The following GALNTL6 variants were observed in gnomAD, a reference collection of about 807,000 sequenced individuals.
GALNTL6 encodes the protein polypeptide N-acetylgalactosaminyltransferase like 6, also known as polypeptide N-acetylgalactosaminyltransferase-like 6.
GALNTL6 carries 46 observed loss-of-function variants against 73.7 expected under a neutral mutation model. The observed-to-expected ratio is 0.62, with a 90% CI of 0.49 to 0.80. The LOEUF (loss-of-function observed/expected upper bound fraction) is 0.80, where lower values mean the gene tolerates loss of function less well. Ranked by LOEUF, GALNTL6 falls within the 30% of genes least tolerant of loss-of-function variation. GALNTL6 has a pLI of 0.00. For missense variants in GALNTL6, 604 were observed against 755.0 expected (o/e 0.80, Z 2.34); for synonymous variants, 259 against 263.7 (o/e 0.98, Z 0.17).
intron 5 of GALNTL6, among the ~76,000 whole-genome samples, chr4:172,788,856 A>G (rs890531155): frequency 4.6e-5 from 7 of 152,162 alleles, no homozygotes; most frequent in African/African-American, 1.7e-4. Flanking sequence ...CTAGGACTAG[A>G]TAAGTGTGAG....
At chr4:172,566,363 A>T (rs2110937562) in intron 5 of GALNTL6, among the ~76,000 whole-genome samples, 1 of 152,322 alleles carries the variant, frequency 6.6e-6, no homozygotes, top group South Asian at 2.1e-4. Flanking sequence ...ATTGGAATGA[A>T]ACTAGAAACC....
intron 3 of GALNTL6, among the ~76,000 whole-genome samples, chr4:172,311,329 A>G (rs575388423): frequency 2.6e-5 from 4 of 152,358 alleles, no homozygotes; most frequent in African/African-American, 7.2e-5. Flanking sequence ...CAGTGTGTGT[A>G]TTAAAATCTG....
chr4:171,889,615 T>C (rs1736704646), intron 2 of GALNTL6, among the ~76,000 whole-genome samples: 1 of 152,116 alleles, frequency 6.6e-6, no homozygotes, highest in Non-Finnish European at 1.5e-5. Flanking sequence ...ATTATTCGTA[T>C]GTTGCCTTAT....
chr4:172,287,059 A>G (rs1455747325), intron 3 of GALNTL6, among the ~76,000 whole-genome samples: 2 of 152,180 alleles, frequency 1.3e-5, no homozygotes, highest in East Asian at 3.9e-4. Context: ...ATCTCTTCCC[A>G]AATCAAAAAG....
chr4:171,989,384 G>A (rs1257936664), intron 2 of GALNTL6, among the ~76,000 whole-genome samples: 1 of 152,184 alleles, frequency 6.6e-6, no homozygotes. Context: ...TGCCAGGTGA[G>A]TTGAACAGTC....
chr4:172,599,741 T>C (rs931651103), intron 5 of GALNTL6, among the ~76,000 whole-genome samples: 14 of 151,818 alleles, frequency 9.2e-5, no homozygotes, highest in African/African-American at 3.4e-4. Context: ...AAGATGTAGG[T>C]TGGTGCAAAA....
At chr4:172,030,865 A>G (rs904421987) in intron 2 of GALNTL6, among the ~76,000 whole-genome samples, 6 of 152,088 alleles carry the variant, frequency 3.9e-5, no homozygotes, top group African/African-American at 1.4e-4. Flanking sequence ...ATTTTACAGC[A>G]TCTGGAAATA....
chr4:172,796,315 C>CTT (rs1740260593), intron 5 of GALNTL6, among the ~76,000 whole-genome samples: 1 of 152,116 alleles, frequency 6.6e-6, no homozygotes, highest in Non-Finnish European at 1.5e-5. Flanking sequence ...ATTCCAGGCA[C>CTT]TGTTTTGCTG....
intron 8 of GALNTL6, among the ~76,000 whole-genome samples, chr4:172,922,260 T>C (rs924638454): frequency 6.6e-6 from 1 of 152,206 alleles, no homozygotes; most frequent in South Asian, 2.1e-4. Flanking sequence ...GTTTCAGGTA[T>C]GTCTTTATCA....
chr4:172,033,492 T>C (rs2110825043), intron 2 of GALNTL6, among the ~76,000 whole-genome samples: 1 of 152,180 alleles, frequency 6.6e-6, no homozygotes, highest in East Asian at 1.9e-4. Flanking sequence ...ATCACCTGCC[T>C]TATAAATTAT....
intron 2 of GALNTL6, among the ~76,000 whole-genome samples, chr4:172,220,084 GTCC>G (rs1384101223): frequency 2.6e-5 from 4 of 151,654 alleles, no homozygotes; most frequent in African/African-American, 9.7e-5. Flanking sequence ...GCACATCTCT[GTCC>G]TCCTCTGTCC....
At chr4:172,664,346 C>G (rs1308916949) in intron 5 of GALNTL6, among the ~76,000 whole-genome samples, 1 of 152,176 alleles carries the variant, frequency 6.6e-6, no homozygotes, top group Non-Finnish European at 1.5e-5. Context: ...AGCCTCTGTC[C>G]CTTTAAGTTT....
At chr4:172,642,890 T>A (rs1248027243) in intron 5 of GALNTL6, among the ~76,000 whole-genome samples, 12 of 151,950 alleles carry the variant, frequency 7.9e-5, no homozygotes, top group Admixed American at 7.9e-4. Context: ...AATGGATGAA[T>A]GACAAGCCTC....
At chr4:172,339,114 C>T (rs939594065) in intron 4 of GALNTL6, among the ~76,000 whole-genome samples, 4 of 152,066 alleles carry the variant, frequency 2.6e-5, no homozygotes, top group Admixed American at 6.5e-5. Context: ...TGCGTAAGAA[C>T]GATGGGACAG....
intron 5 of GALNTL6, among the ~76,000 whole-genome samples, chr4:172,555,930 T>C (rs1188654549): frequency 6.6e-6 from 1 of 152,114 alleles, no homozygotes; most frequent in Non-Finnish European, 1.5e-5. Context: ...ATGCTAACTA[T>C]ATTATGCACA....
At chr4:171,823,569 G>GTA (rs1224406814) in intron 2 of GALNTL6, among the ~76,000 whole-genome samples, 53 of 107,782 alleles carry the variant, frequency 4.9e-4, no homozygotes, top group African/African-American at 1.5e-3. Flanking sequence ...ATATATATAT[G>GTA]TATATATATA....
chr4:172,156,544 T>TATATATATATATATATATACTATATATA (rs1553997700), intron 2 of GALNTL6, among the ~76,000 whole-genome samples: 1 of 67,948 alleles, frequency 1.5e-5, no homozygotes, highest in East Asian at 2.6e-4. Flanking sequence ...ATATATAATA[T>TATATATATATATATATATACTATATATA]ATATATATAT....
Position 171,843,125 on chromosome 4 carries a change from G to T in GALNTL6, c.138+28407G>T, listed in dbSNP as rs969704227. The stretch of plus-strand genomic sequence containing the variant: ...ACTGCTAGAATGATGGAATAATAAA[G>T]AAATCTTCTATTAGTTTAGTTTTAA... On this transcript the variant is annotated intron_variant, in intron 2 of 12. Coordinates refer to ENST00000506823, the MANE Select transcript of GALNTL6 (RefSeq NM_001034845.3). Among the ~76,000 whole-genome samples, 5 of 152,070 alleles carry T rather than the reference G, an allele frequency of 3.3e-5. No homozygotes were observed. The East Asian group carries it at 9.6e-4, about 29-fold the overall frequency.
chr4:172,724,695 G>A (rs1449033826), intron 5 of GALNTL6, among the ~76,000 whole-genome samples: 1 of 152,162 alleles, frequency 6.6e-6, no homozygotes, highest in Non-Finnish European at 1.5e-5. Context: ...GGAAGTTATT[G>A]AAGTGGTTAG....
Sources: allele counts gnomAD v4.1 joint callset (sites outside exome capture counted in the v4.1 genomes callset), GRCh38; gene constraint gnomAD v4.1.1; transcripts MANE v1.5; gene names NCBI Gene and HGNC (gene_info 2026-07-23, HGNC 2026-07-21).